Variants in UGT2B15 observed in about 807,000 individuals in gnomAD.
The protein encoded by UGT2B15 is UDP-glucuronosyltransferase 2B15.
Under a neutral mutation model 45.9 loss-of-function variants are expected in UGT2B15, and 36 were observed. The ratio of observed to expected loss-of-function variants is 0.78; its 90% CI spans 0.60 to 1.04. UGT2B15 has a LOEUF of 1.04. Among genes scored for constraint, UGT2B15 ranks in the 50% least tolerant of loss-of-function variants. UGT2B15 has a pLI of 0.00. For missense variants in UGT2B15, 617 were observed against 622.4 expected (o/e 0.99, Z 0.09); for synonymous variants, 219 against 216.4 (o/e 1.01, Z -0.11).
chr4:68,650,572 T>C (rs1732624193), intron 5 of UGT2B15, among the ~76,000 whole-genome samples: 1 of 152,118 alleles, frequency 6.6e-6, no homozygotes, highest in Non-Finnish European at 1.5e-5. Context: ...GTTGGTTCCA[T>C]ATCTTTGATA....
rs745645926 is a variant in UGT2B15, at chr4:68,654,211, C to T, written c.1139G>A (p.Gly380Asp). ...KAFITHGGTN[G>D]IYEAIYHGIP... is the part of the protein sequence containing the mutation. ...CCCATGGTAGATCGCCTCATAGATG[C>T]CATTGGTTCCACCATGAGTTATAAA... The change falls in exon 5 of 6, where the codon GGC becomes GAC. Residue 380 changes from glycine (G) to aspartate (D), a missense_variant. Physicochemically the swap from Gly to Asp is moderately conservative, Grantham distance 94 (BLOSUM62 -1). This residue lies in a region of UGT2B15 where 265 missense variants were observed against 245.1 expected (regional missense o/e 1.08). Transcript: ENST00000338206. 5.0e-5 allele frequency: 81 copies of T among 1,613,476 alleles called. No individual in the cohort carries two copies. The highest frequency in any genetic ancestry group is 6.9e-5 in the Non-Finnish European group (81 of 1,179,626).
chr4:68,668,083 A>C lies in UGT2B15; in HGVS notation c.830T>G (p.Phe277Cys). 1 of 1,614,008 alleles carries C rather than the reference A, an allele frequency of 6.2e-7. No homozygotes were observed. The highest frequency in any genetic ancestry group is 8.5e-7 in the Non-Finnish European group (1 of 1,179,930). ...FPRPFLPNVD[F>C]VGGLHCKPAK... The stretch of plus-strand genomic sequence containing the variant: ...TGGTTTACAGTGAAGTCCTCCAACA[A>C]AATCAACATTTGGTAAGAATGGGCG... The change falls in exon 2 of 6, where the codon TTT becomes TGT. Residue 277 changes from phenylalanine to cysteine, a missense_variant. Transcript: ENST00000338206.
chr4:68,656,709 G>C (rs1732816352), intron 3 of UGT2B15, among the ~76,000 whole-genome samples: 2 of 152,046 alleles, frequency 1.3e-5, no homozygotes, highest in Non-Finnish European at 2.9e-5. Context: ...CTAATGACTT[G>C]AACTCTTTTA....
intron 5 of UGT2B15, among the ~76,000 whole-genome samples, chr4:68,650,048 A>G (rs1402825386): frequency 3.3e-5 from 5 of 151,818 alleles, no homozygotes; most frequent in Non-Finnish European, 5.9e-5. Context: ...GGCCAGGAGT[A>G]TGGTCTCGAT....
chr4:68,656,223 T>C (rs1389812318), intron 3 of UGT2B15, among the ~76,000 whole-genome samples: 1 of 152,016 alleles, frequency 6.6e-6, no homozygotes, highest in Non-Finnish European at 1.5e-5. Flanking sequence ...GGAGGGAGGA[T>C]GAATTTGAGG....
intron 5 of UGT2B15, among the ~76,000 whole-genome samples, chr4:68,647,840 G>C (rs1234334523): frequency 6.6e-6 from 1 of 151,952 alleles, no homozygotes; most frequent in Non-Finnish European, 1.5e-5. Context: ...TCAGTCTCAT[G>C]AGAAGCTAGG....
intron 3 of UGT2B15, among the ~76,000 whole-genome samples, chr4:68,655,969 C>T (rs1732791575): frequency 6.6e-6 from 1 of 152,052 alleles, no homozygotes; most frequent in South Asian, 2.1e-4. Flanking sequence ...CCTATCAGTG[C>T]TTGGTACCAG....
Position 68,663,149 on chromosome 4 carries a change from A to C in UGT2B15, c.874-10T>G. 6.3e-7 allele frequency: 1 copy of C among 1,586,006 alleles called. No individual in the cohort carries two copies. The highest frequency in any genetic ancestry group is 1.1e-5 in the South Asian group (1 of 90,056). ...CAAACTCTTCCATTTCCTGTGAAGA[A>C]AGAATTTGTTCTATCAGAAAAGAGC... On this transcript the variant is annotated splice_polypyrimidine_tract_variant and intron_variant, in intron 2 of 5. Transcript: ENST00000338206.
intron 2 of UGT2B15, among the ~76,000 whole-genome samples, chr4:68,663,824 G>C (rs966411648): frequency 3.6e-5 from 5 of 137,314 alleles, no homozygotes; most frequent in Non-Finnish European, 7.6e-5. Flanking sequence ...ACATTCAGCA[G>C]TCTGGTATTG....
intron 3 of UGT2B15, among the ~76,000 whole-genome samples, chr4:68,658,467 A>G (rs1341997383): frequency 6.6e-6 from 1 of 152,136 alleles, no homozygotes; most frequent in Non-Finnish European, 1.5e-5. Flanking sequence ...TTAATCAAGC[A>G]ATTTCATACT....
At chr4:68,668,778 G>T (rs1449061891) in intron 1 of UGT2B15, among the ~76,000 whole-genome samples, 2 of 151,240 alleles carry the variant, frequency 1.3e-5, no homozygotes, top group Non-Finnish European at 2.9e-5. Context: ...AGGCATCCCA[G>T]TCATGTAGAA....
chr4:68,656,583 T>G (rs1732812940), intron 3 of UGT2B15, among the ~76,000 whole-genome samples: 1 of 152,098 alleles, frequency 6.6e-6, no homozygotes, highest in African/African-American at 2.4e-5. Context: ...TGCTCTTGGT[T>G]TCTGTGTTTG....
intron 3 of UGT2B15, among the ~76,000 whole-genome samples, chr4:68,659,826 C>G (rs954635398): frequency 6.6e-6 from 1 of 151,718 alleles, no homozygotes; most frequent in Admixed American, 6.6e-5. Context: ...CTAAAATGTT[C>G]ATGAGTATCA....
chr4:68,662,483 C>G (rs1236506507), intron 3 of UGT2B15, among the ~76,000 whole-genome samples: 1 of 146,894 alleles, frequency 6.8e-6, no homozygotes, highest in Non-Finnish European at 1.5e-5. Flanking sequence ...GAATGGCACC[C>G]TGAACAGAAC....
intron 2 of UGT2B15, among the ~76,000 whole-genome samples, chr4:68,666,756 T>TTTTTC (rs1733136400): frequency 1.4e-5 from 2 of 145,448 alleles, no homozygotes; most frequent in South Asian, 4.4e-4. Context: ...ATATATATTT[T>TTTTTC]TTTTTTTTGA....
In UGT2B15 at chr4:68,670,415, T is replaced by C; in HGVS notation, c.204A>G (p.Lys68=). The C allele has an allele frequency of 6.2e-7, 1 of 1,613,800 alleles. No homozygotes were observed. Among genetic ancestry groups the C allele is most frequent in the Non-Finnish European group, 8.5e-7 (1 of 1,179,976 alleles). The stretch of plus-strand genomic sequence containing the variant: ...AAACTTCTAATTTAATAGCAGATGA[T>C]TTACTGGCATTGACAAGAGTAGAAG... The part of the protein sequence containing the change: ...SSASTLVNAS[K]SSAIKLEVYP... The change falls in exon 1 of 6, where the codon AAA becomes AAG. Residue 68 remains lysine (K), a synonymous_variant. Transcript: ENST00000338206.
intron 2 of UGT2B15, among the ~76,000 whole-genome samples, chr4:68,664,576 T>C (rs991493856): frequency 2.0e-5 from 3 of 152,106 alleles, no homozygotes; most frequent in Admixed American, 2.0e-4. Flanking sequence ...GACATCTTTT[T>C]TTTTTTTCCA....
chr4:68,650,858 G>A (rs1178803465), intron 5 of UGT2B15, among the ~76,000 whole-genome samples: 1 of 151,956 alleles, frequency 6.6e-6, no homozygotes, highest in East Asian at 1.9e-4. Flanking sequence ...GCATGAGATT[G>A]TATCTCATTG....
At chr4:68,655,769 C>A (rs1309797980) in intron 3 of UGT2B15, among the ~76,000 whole-genome samples, 2 of 152,004 alleles carry the variant, frequency 1.3e-5, no homozygotes, top group Non-Finnish European at 2.9e-5. Context: ...TGTATAAAAC[C>A]AAACTGTCCC....
Sources: allele counts gnomAD v4.1 joint callset (sites outside exome capture counted in the v4.1 genomes callset), GRCh38; gene constraint gnomAD v4.1.1; regional missense constraint gnomAD v4.1.1; transcripts MANE v1.5; gene names NCBI Gene and HGNC (gene_info 2026-07-23, HGNC 2026-07-21).